SPATA13: variants seen among roughly 807,000 people sequenced by gnomAD.
SPATA13 encodes the protein spermatogenesis-associated protein 13.
SPATA13 carries 50 observed loss-of-function variants against 104.0 expected under a neutral mutation model. The observed-to-expected ratio is 0.48, with a 90% confidence interval of 0.38 to 0.61. The LOEUF (loss-of-function observed/expected upper bound fraction) is 0.61, where lower values mean the gene tolerates loss of function less well. Among genes scored for constraint, SPATA13 ranks in the 20% least tolerant of loss-of-function variants. The pLI is 0.00. For synonymous variants in SPATA13, 606 were observed against 667.5 expected (o/e 0.91, Z 1.42); for missense variants, 1,524 against 1,690.6 (o/e 0.90, Z 1.73).
At chr13:24,028,718 C>T (rs1455453828) in intron 3 of SPATA13, among the ~76,000 whole-genome samples, 1 of 152,138 alleles carries the variant, frequency 6.6e-6, no homozygotes, top group Admixed American at 6.5e-5. Flanking sequence ...GAATGTTTGT[C>T]CGTTCTTACG....
chr13:24,263,003 G>C (rs1255238686), intron 4 of SPATA13, among the ~76,000 whole-genome samples: 1 of 151,980 alleles, frequency 6.6e-6, no homozygotes, highest in African/African-American at 2.4e-5. Flanking sequence ...GATTCTCTGG[G>C]CTGCAAATTT....
intron 3 of SPATA13, among the ~76,000 whole-genome samples, chr13:24,076,904 A>G (rs1351332931): frequency 6.6e-6 from 1 of 151,998 alleles, no homozygotes; most frequent in Non-Finnish European, 1.5e-5. Context: ...ATGGGCTGAC[A>G]CAGTCATTGC....
chr13:24,008,334 G>T (rs2137682316), intron 2 of SPATA13, among the ~76,000 whole-genome samples: 1 of 152,346 alleles, frequency 6.6e-6, no homozygotes, highest in Non-Finnish European at 1.5e-5. Flanking sequence ...CAGAGAAAGA[G>T]AACACCTGCA....
Position 24,174,931 on chromosome 13 carries a change from G to A in SPATA13, c.-112+13999G>A, listed in dbSNP as rs561503367. ...TGACTTGTGGATTATTTAGAAATGC[G>A]TTGTTTCATATCCAGATGTTTGGAG... On this transcript the variant is annotated intron_variant, in intron 1 of 12. Coordinates refer to ENST00000382108, the MANE Select transcript of SPATA13 (RefSeq NM_001166271.3). 5.6e-4 allele frequency among the ~76,000 whole-genome samples: 85 copies of A among 152,300 alleles called. 1 individual carries two copies. The highest frequency in any genetic ancestry group is 1.6e-3 in the African/African-American group (66 of 41,556).
intron 3 of SPATA13, among the ~76,000 whole-genome samples, chr13:24,054,414 C>A (rs920593885): frequency 6.6e-6 from 1 of 152,168 alleles, no homozygotes; most frequent in Admixed American, 6.5e-5. Context: ...CTGGCAGTGG[C>A]AGTGGTGGCA....
intron 2 of SPATA13, among the ~76,000 whole-genome samples, chr13:23,987,914 T>C (rs1264837004): frequency 1.3e-5 from 2 of 152,018 alleles, no homozygotes; most frequent in Non-Finnish European, 2.9e-5. Flanking sequence ...AAGGCCCAGG[T>C]ATGTTGTGGC....
At chr13:24,231,006 G>T (rs1405683122) in intron 2 of SPATA13, among the ~76,000 whole-genome samples, 1 of 152,130 alleles carries the variant, frequency 6.6e-6, no homozygotes, top group East Asian at 1.9e-4. Context: ...TGATTTTTGG[G>T]AAATGTAGTG....
chr13:24,302,611 C>A lies in SPATA13; in HGVS notation c.3672C>A (p.Cys1224Ter). ...GHGKSKGYNR[C>*]PVAPPHQGLH... ...CTCCCGAGTCAGGCTACAACAGGTGCCCTGTGGCCCCACCGCACCAGGGCC... is the reference window on the plus strand; with the variant it reads ...CTCCCGAGTCAGGCTACAACAGGTGACCTGTGGCCCCACCGCACCAGGGCC... The change falls in exon 13 of 13, where the codon TGC becomes TGA. Residue 1224 changes from cysteine (C) to a stop codon, truncating the protein, a stop_gained. Transcript: ENST00000382108. LOFTEE classifies it high-confidence loss of function. The A allele has an allele frequency of 2.5e-6, 4 of 1,607,304 alleles. No homozygotes were observed. Among genetic ancestry groups the A allele is most frequent in the Non-Finnish European group, 3.4e-6 (4 of 1,175,840 alleles).
At chr13:24,096,394 G>A (rs1297395317) in intron 3 of SPATA13, among the ~76,000 whole-genome samples, 1 of 152,012 alleles carries the variant, frequency 6.6e-6, no homozygotes, top group East Asian at 1.9e-4. Context: ...TCAGGGGTTC[G>A]AGACCAGCCT....
intron 3 of SPATA13, among the ~76,000 whole-genome samples, chr13:24,099,455 C>T (rs2137800133): frequency 6.6e-6 from 1 of 152,322 alleles, no homozygotes; most frequent in East Asian, 1.9e-4. Context: ...CGTCAGTGGC[C>T]ACGCACACTA....
chr13:24,024,234 A>G (rs1367851202), intron 3 of SPATA13, among the ~76,000 whole-genome samples: 2 of 152,202 alleles, frequency 1.3e-5, no homozygotes, highest in Admixed American at 6.5e-5. Context: ...TTCCTGATCC[A>G]TGGTTGTATG....
At chr13:24,294,591 A>C in intron 9 of SPATA13, 148 bp from the exon 10 acceptor site, 4 of 781,866 alleles carry the variant, frequency 5.1e-6, no homozygotes, top group Non-Finnish European at 7.3e-6. Context: ...TCACAAGGGA[A>C]CAAGAAAAAG....
intron 2 of SPATA13, among the ~76,000 whole-genome samples, chr13:24,009,032 G>A (rs899154833): frequency 2.0e-5 from 3 of 152,208 alleles, no homozygotes; most frequent in Non-Finnish European, 4.4e-5. Flanking sequence ...GCTGCCAGGG[G>A]CATGCCATCC....
intron 1 of SPATA13, among the ~76,000 whole-genome samples, chr13:24,186,189 C>T (rs535281367): frequency 3.9e-5 from 6 of 152,236 alleles, no homozygotes; most frequent in African/African-American, 7.2e-5. Context: ...AGTGAGGAAA[C>T]GGGAATGTTA....
intron 8 of SPATA13, among the ~76,000 whole-genome samples, chr13:24,290,389 C>T (rs1376589470): frequency 6.6e-6 from 1 of 152,146 alleles, no homozygotes; most frequent in African/African-American, 2.4e-5. Flanking sequence ...AGAAAGAGAC[C>T]AGGGTGCTGA....
chr13:23,984,046 G>T (rs1278773319), intron 2 of SPATA13: 18 of 710,060 alleles, frequency 2.5e-5, no homozygotes, highest in African/African-American at 3.9e-5. Flanking sequence ...GAATTTGAAG[G>T]TTTTCACTGA....
intron 1 of SPATA13, among the ~76,000 whole-genome samples, chr13:24,178,066 C>G (rs1868543102): frequency 6.6e-6 from 1 of 151,666 alleles, no homozygotes; most frequent in South Asian, 2.1e-4. Flanking sequence ...CTTGCCCATG[C>G]TGGTCTTGAA....
chr13:24,075,201 A>C (rs1346298652), intron 3 of SPATA13, among the ~76,000 whole-genome samples: 1 of 152,174 alleles, frequency 6.6e-6, no homozygotes, highest in Non-Finnish European at 1.5e-5. Flanking sequence ...TGTAGCTACT[A>C]TTACTCTCTA....
chr13:24,297,271 C>T lies in SPATA13; in HGVS notation c.3211-92C>T. On this transcript the variant is annotated intron_variant, in intron 10 of 12. Transcript: ENST00000382108. ...CCCAGGCTGGTCTCAAACTCTTGGCCTCAACGATCCTCCCACCTTGGCTTC... is the reference window on the plus strand; with the variant it reads ...CCCAGGCTGGTCTCAAACTCTTGGCTTCAACGATCCTCCCACCTTGGCTTC... The T allele has an allele frequency of 2.0e-6, 3 of 1,467,058 alleles. No individual in the cohort carries two copies. The South Asian group carries it at 4.0e-5, about 20-fold the overall frequency. 90.9% of individuals were successfully genotyped at this position (1,467,058 alleles called of 1,614,324 possible). A position where few individuals can be genotyped will look rare whatever the true frequency, so the allele number is the denominator to read the frequency against.
Sources: gnomAD v4.1 joint callset for allele counts (sites outside exome capture counted in the v4.1 genomes callset) on GRCh38, gnomAD v4.1.1 for gene constraint, MANE v1.5 for transcripts, NCBI Gene and HGNC (gene_info 2026-07-23, HGNC 2026-07-21) for gene names.